The following PLA2G4F variants were observed in gnomAD, a reference collection of about 807,000 sequenced individuals.
The protein encoded by PLA2G4F is cytosolic phospholipase A2 zeta.
A neutral mutation model predicts 103.1 loss-of-function variants in PLA2G4F; 105 were observed. The observed-to-expected ratio is 1.02, with a 90% CI of 0.87 to 1.20. The LOEUF (loss-of-function observed/expected upper bound fraction) is 1.20. Among genes scored for constraint, PLA2G4F ranks in the 50% most tolerant of loss-of-function variants. PLA2G4F has a pLI of 0.00. For missense variants in PLA2G4F, 1,155 were observed against 1,075.9 expected (o/e 1.07, Z -1.03); for synonymous variants, 468 against 441.1 (o/e 1.06, Z -0.76).
chr15:42,139,954 GACAGA>G lies in PLA2G4F; in HGVS notation c.*2025_*2029del, dbSNP rs2048814559. ...TTCACAAGCCTTGCTGGCCTGCGGG[GACAGA>G]CGCTGGCCTCTGCAACCCTGGGGCT... On this transcript the variant is annotated 3_prime_UTR_variant, in exon 20 of 20. Transcript: ENST00000397272. The G allele has an allele frequency of 2.0e-5, 3 of 152,400 alleles. 1 individual carries two copies. Among genetic ancestry groups the G allele is most frequent in the East Asian group, 3.9e-4 (2 of 5,166 alleles). The allele number at this position is 152,400 out of a possible 1,614,324, so 9.4% of individuals were successfully genotyped here. A position where few individuals can be genotyped will look rare whatever the true frequency, so the allele number is the denominator to read the frequency against.
chr15:42,150,608 C>T lies in PLA2G4F; in HGVS notation c.771G>A (p.Gln257=), dbSNP rs757930258. The change falls in exon 8 of 20, where the codon CAG becomes CAA. Residue 257 remains glutamine (Q), a splice_region_variant and synonymous_variant. Coordinates refer to ENST00000397272, the MANE Select transcript of PLA2G4F (RefSeq NM_213600.4). ...CCGACCATCCTGGCGGCGCACTCAC[C>T]TGCACAGCTGCCAGCAGCTCCATCA... The part of the protein sequence containing the change: ...VELMELLAAV[Q]SGPSAELEAQ... 1 of 1,607,054 alleles carries T rather than the reference C, an allele frequency of 6.2e-7. No homozygotes were observed. The highest frequency in any genetic ancestry group is 1.7e-5 in the Admixed American group (1 of 59,324).
At chr15:42,142,231 G>C in intron 19 of PLA2G4F, 27 bp from the exon 20 acceptor site, 1 of 1,582,522 alleles carries the variant, frequency 6.3e-7, no homozygotes, top group Non-Finnish European at 8.6e-7. Flanking sequence ...CAGAGGAGAG[G>C]CCAGGATGGA....
At chr15:42,149,364 C>T (rs1365542467) in intron 11 of PLA2G4F, 9 of 616,358 alleles carry the variant, frequency 1.5e-5, no homozygotes, top group East Asian at 2.8e-4. Context: ...GAGGACATGG[C>T]GAGACAGCTC....
intron 16 of PLA2G4F, among the ~76,000 whole-genome samples, chr15:42,144,969 C>T (rs1490562368): frequency 6.6e-6 from 1 of 152,234 alleles, no homozygotes; most frequent in East Asian, 1.9e-4. Flanking sequence ...AATTACTATG[C>T]CCAGCACTGC....
Position 42,154,208 on chromosome 15 carries a change from G to T in PLA2G4F, c.334C>A (p.Leu112Ile). ...IHGAVKNVLE[L>I]TLYDKDILGS... ...AGGATGTCCTTGTCATAGAGGGTGA[G>T]CTCCAGGACGTTCTGGGGACAAGGC... is the stretch of plus-strand genomic sequence containing the variant. The change falls in exon 4 of 20, where the codon CTC becomes ATC. Residue 112 changes from leucine (L) to isoleucine (I), a missense_variant. Physicochemically the swap from Leu to Ile is conservative, Grantham distance 5. Transcript: ENST00000397272. 6.2e-7 allele frequency: 1 copy of T among 1,614,208 alleles called. No individual in the cohort carries two copies. The highest frequency in any genetic ancestry group is 8.5e-7 in the Non-Finnish European group (1 of 1,180,036).
Position 42,150,085 on chromosome 15 carries a change from T to C in PLA2G4F, c.923+19A>G. 6.2e-7 allele frequency: 1 copy of C among 1,614,148 alleles called. No individual in the cohort carries two copies. The highest frequency in any genetic ancestry group is 8.5e-7 in the Non-Finnish European group (1 of 1,180,002). ...TCTAGCCCAGCCCCAAGAGGCCTTC[T>C]GCCTGGAGTCCCACTCACCTCATTT... is the stretch of plus-strand genomic sequence containing the variant. On this transcript the variant is annotated intron_variant, in intron 10 of 19. Coordinates refer to ENST00000397272, the MANE Select transcript of PLA2G4F (RefSeq NM_213600.4).
chr15:42,148,918 G>A, intron 11 of PLA2G4F: 1 of 985,404 alleles, frequency 1.0e-6, no homozygotes. Flanking sequence ...AGCACAGAGA[G>A]GGCATACATA....
chr15:42,147,448 T>G, intron 12 of PLA2G4F, 102 bp from the exon 13 acceptor site: 1 of 1,390,988 alleles, frequency 7.2e-7, no homozygotes, highest in Non-Finnish European at 9.9e-7. Context: ...CCACTTGCAC[T>G]GCTGCCCTGC....
Position 42,145,899 on chromosome 15 carries a change from C to T in PLA2G4F, c.1539G>A (p.Trp513Ter). The change falls in exon 15 of 20, where the codon TGG (tryptophan) becomes TGA (stop). Residue 513 changes from tryptophan (W) to a stop codon, truncating the protein, a stop_gained. Transcript: ENST00000397272. LOFTEE classifies it high-confidence loss of function. ...CAACCTCATAGGGCGTGAACTCGCA[C>T]CACTCTAGGGGCCCGAGTGAAGGGA... Reference protein sequence around the residue: ...TNLSGEDFAEWCEFTPYEVGF... With the variant: ...TNLSGEDFAE The T allele has an allele frequency of 6.2e-7, 1 of 1,613,950 alleles. No individual in the cohort carries two copies. Among genetic ancestry groups the T allele is most frequent in the Non-Finnish European group, 8.5e-7 (1 of 1,180,016 alleles).
Position 42,141,542 on chromosome 15 carries a change from G to A in PLA2G4F, c.*442C>T. The A allele has an allele frequency of 2.2e-6, 1 of 455,078 alleles. No homozygotes were observed. Among genetic ancestry groups the A allele is most frequent in the Non-Finnish European group, 4.4e-6 (1 of 227,072 alleles). 28.2% of individuals were successfully genotyped at this position (455,078 alleles called of 1,614,324 possible). On this transcript the variant is annotated 3_prime_UTR_variant, in exon 20 of 20. Transcript: ENST00000397272. ...GGGTTGGGGCTTGGGCCGCTCTGCA[G>A]GAAGTGTGGATGGATGCATCTCTGC...
chr15:42,150,379 C>A lies in PLA2G4F; in HGVS notation c.879G>T (p.Leu293=). The change falls in exon 9 of 20, where the codon CTG becomes CTT. Residue 293 remains leucine (L), a synonymous_variant. Transcript: ENST00000397272. ...CACCCAGACAGAGCCTTACCTCCCC[C>A]AGGGCCACAGAACACTGTTCCTCCT... ...LGQEEQCSVA[L]GEGQEVALSM... 1 of 1,608,616 alleles carries A rather than the reference C, an allele frequency of 6.2e-7. No individual in the cohort carries two copies. Among genetic ancestry groups the A allele is most frequent in the Non-Finnish European group, 8.5e-7 (1 of 1,177,856 alleles).
rs139834728 is a variant in PLA2G4F at position 42,145,630 on chromosome 15, G to A, written c.1725C>T (p.Thr575=). Reference sequence around the variant, plus strand: ...CCAGGAAGCTGAGGCCCGAGCCGGCGGTCTTTAGGAAGATCTCATCCAGGC... The same window carrying A: ...CCAGGAAGCTGAGGCCCGAGCCGGCAGTCTTTAGGAAGATCTCATCCAGGC... ...ATSLDEIFLK[T]AGSGLSFLEW... Residue 575 remains threonine, a synonymous_variant, in exon 16 of 20, where the codon ACC becomes ACT. Coordinates refer to ENST00000397272, the MANE Select transcript of PLA2G4F (RefSeq NM_213600.4). 376 of 1,614,126 alleles carry A rather than the reference G, an allele frequency of 2.3e-4. No individual in the cohort carries two copies. The African/African-American group carries it at 3.9e-3, about 17-fold the overall frequency.
At position 42,147,360 on chromosome 15, in the gene PLA2G4F, G is replaced by A. The variant is rs2048903369; in HGVS notation, c.1197-14C>T. ...GTGGAGATGCACCTGGGGATTGGAGGTGTGCCTGAGTCAGGGGCAGGAGAG... is the reference window on the plus strand; with the variant it reads ...GTGGAGATGCACCTGGGGATTGGAGATGTGCCTGAGTCAGGGGCAGGAGAG... On this transcript the variant is annotated splice_polypyrimidine_tract_variant and intron_variant, in intron 12 of 19. Transcript: ENST00000397272. The A allele has an allele frequency of 1.3e-6, 2 of 1,598,796 alleles. No individual in the cohort carries two copies. Among genetic ancestry groups the A allele is most frequent in the Middle Eastern group, 2.3e-4 (1 of 4,430 alleles).
intron 19 of PLA2G4F, 78 bp from the exon 20 acceptor site, chr15:42,142,282 T>C: frequency 7.2e-7 from 1 of 1,385,386 alleles, no homozygotes; most frequent in Non-Finnish European, 9.8e-7. Flanking sequence ...GAAGTCTTCC[T>C]TGTGCAGGAC....
chr15:42,150,807 A>C, intron 7 of PLA2G4F, 30 bp from the exon 8 acceptor site: 1 of 1,593,008 alleles, frequency 6.3e-7, no homozygotes, highest in South Asian at 1.1e-5. Flanking sequence ...GTGGGTGCGC[A>C]GGTGAGGGGG....
Position 42,155,521 on chromosome 15 carries a change from G to T in PLA2G4F, c.180C>A (p.Asp60Glu). ...VLRATNIRGT[D>E]LLSKADCYVQ... The stretch of plus-strand genomic sequence containing the variant: ...GATGGAGATGGGGTCACTCACGCAG[G>T]TCTGTGCCCCGGATGTTTGTGGCCC... The change falls in exon 2 of 20, where the codon GAC (aspartate) becomes GAA (glutamate). Residue 60 changes from aspartate (D) to glutamate (E), a missense_variant. Physicochemically the swap from Asp to Glu is conservative, Grantham distance 45. Coordinates refer to ENST00000397272, the MANE Select transcript of PLA2G4F (RefSeq NM_213600.4). The T allele has an allele frequency of 1.2e-6, 2 of 1,614,100 alleles. No individual in the cohort carries two copies. The highest frequency in any genetic ancestry group is 8.5e-7 in the Non-Finnish European group (1 of 1,179,936).
Position 42,150,121 on chromosome 15 carries a change from GCTCAGAGCCAC to G in PLA2G4F, c.895_905del (p.Val299HisfsTer17), listed in dbSNP as rs1566880563. On this transcript the variant is annotated frameshift_variant, in exon 10 of 20. Transcript: ENST00000397272. LOFTEE classifies it high-confidence loss of function. ...CCACTCACCTCATTTCCACCTTCATGCTCAGAGCCACCTCCTGGCCCTGAAAGACACAGCAG... is the reference window on the plus strand; with the variant it reads ...CCACTCACCTCATTTCCACCTTCATGCTCCTGGCCCTGAAAGACACAGCAG... The G allele has an allele frequency of 6.2e-7, 1 of 1,614,172 alleles. No homozygotes were observed. Among genetic ancestry groups the G allele is most frequent in the Non-Finnish European group, 8.5e-7 (1 of 1,180,028 alleles).
Position 42,153,730 on chromosome 15 carries a change from C to T in PLA2G4F, c.451-70G>A, listed in dbSNP as rs2048983138. The T allele has an allele frequency of 3.8e-6, 6 of 1,565,336 alleles. No individual in the cohort carries two copies. The Admixed American group carries it at 1.0e-4, about 27-fold the overall frequency. On this transcript the variant is annotated intron_variant, in intron 4 of 19. Transcript: ENST00000397272. ...AGCCTCCAGAGCTGTTCCTGCCTGCCAGCCCTGCTTGGCTCCAGGGGCTAG... is the reference window on the plus strand; with the variant it reads ...AGCCTCCAGAGCTGTTCCTGCCTGCTAGCCCTGCTTGGCTCCAGGGGCTAG...
chr15:42,156,473 C>G lies in PLA2G4F; in HGVS notation c.77G>C (p.Arg26Thr), dbSNP rs1346873313. The G allele has an allele frequency of 6.4e-7, 1 of 1,565,800 alleles. No homozygotes were observed. Among genetic ancestry groups the G allele is most frequent in the East Asian group, 2.4e-5 (1 of 42,528 alleles). The change falls in exon 1 of 20, where the codon AGA becomes ACA. Residue 26 changes from arginine (R) to threonine (T), a missense_variant. Physicochemically the swap from Arg to Thr is moderately conservative, Grantham distance 71. Transcript: ENST00000397272. ...PLLGAVLLQK[R>T]EKRGPLWRHW... is the part of the protein sequence containing the mutation. ...CCTCCACAGAGGGCCCCTCTTCTCT[C>G]TCTTCTGAAGCAGCACTGCCCCCAG... is the stretch of plus-strand genomic sequence containing the variant.
Sources: gnomAD v4.1 joint callset for allele counts (sites outside exome capture counted in the v4.1 genomes callset) on GRCh38, gnomAD v4.1.1 for gene constraint, MANE v1.5 for transcripts, NCBI Gene and HGNC (gene_info 2026-07-23, HGNC 2026-07-21) for gene names.